IL1RAPL2: variants seen among roughly 807,000 people sequenced by gnomAD.
IL1RAPL2 encodes interleukin 1 receptor accessory protein like 2.
IL1RAPL2 carries 3 observed loss-of-function variants against 44.1 expected under a neutral mutation model. That is an observed-to-expected ratio of 0.07 (90% CI 0.03 to 0.18). IL1RAPL2 has a LOEUF of 0.18. Ranked by LOEUF, IL1RAPL2 falls within the 10% of genes least tolerant of loss-of-function variation. The pLI is 1.00. For missense variants in IL1RAPL2, 391 were observed against 496.4 expected (o/e 0.79, Z 2.02); for synonymous variants, 181 against 178.8 (o/e 1.01, Z -0.10).
At chrX:105,063,111 C>T (rs1251422860) in intron 2 of IL1RAPL2, among the ~76,000 whole-genome samples, 1 of 110,955 alleles carries the variant, frequency 9.0e-6, no homozygotes, top group Non-Finnish European at 1.9e-5. Flanking sequence ...TGGAGGCATG[C>T]TTTATTGTTT....
chrX:104,697,182 A>G (rs1486807276), intron 2 of IL1RAPL2, among the ~76,000 whole-genome samples: 5 of 112,701 alleles, frequency 4.4e-5, no homozygotes, highest in Non-Finnish European at 9.4e-5. Flanking sequence ...CATATACAAT[A>G]TAAGTAAGCT....
chrX:104,798,265 C>T (rs187112971), intron 2 of IL1RAPL2, among the ~76,000 whole-genome samples: 18 of 110,902 alleles, frequency 1.6e-4, no homozygotes, highest in East Asian at 5.7e-4. Flanking sequence ...CCTGCATCGC[C>T]AGAGTCAGTC....
intron 3 of IL1RAPL2, chrX:105,220,673 C>T: frequency 7.2e-6 from 2 of 277,313 alleles, no homozygotes; most frequent in Non-Finnish European, 1.3e-5. Context: ...GATCTCTCTC[C>T]CTCCTAAGGT....
At chrX:105,219,977 T>C (rs782722878) in intron 3 of IL1RAPL2, 5 of 1,201,147 alleles carry the variant, frequency 4.2e-6, no homozygotes, top group African/African-American at 3.5e-5. Flanking sequence ...TCTCTCTCTT[T>C]CTGCACCTCC....
At chrX:105,409,261 T>C (rs115085914) in intron 5 of IL1RAPL2, among the ~76,000 whole-genome samples, 2,666 of 110,462 alleles carry the variant, frequency 0.024, 84 homozygotes, top group African/African-American at 0.085. Context: ...CTTCTATATA[T>C]TGAAGTTTTT....
At chrX:104,947,023 G>C (rs1486178463) in intron 2 of IL1RAPL2, among the ~76,000 whole-genome samples, 23 of 105,143 alleles carry the variant, frequency 2.2e-4, no homozygotes, top group African/African-American at 6.3e-4. Context: ...CTAGTTTACA[G>C]TCCCACCAAC....
chrX:104,944,975 G>C (rs943755321), intron 2 of IL1RAPL2, among the ~76,000 whole-genome samples: 2 of 111,698 alleles, frequency 1.8e-5, no homozygotes, highest in African/African-American at 3.3e-5. Flanking sequence ...TACTTTAAAA[G>C]TTGTAAGGAA....
chrX:104,965,036 A>C (rs962998958), intron 2 of IL1RAPL2, among the ~76,000 whole-genome samples: 4 of 111,820 alleles, frequency 3.6e-5, no homozygotes, highest in East Asian at 5.7e-4. Context: ...AGCCAGAGGC[A>C]CACCAAAAGA....
chrX:105,357,302 G>C (rs1488203498), intron 5 of IL1RAPL2, among the ~76,000 whole-genome samples: 1 of 111,394 alleles, frequency 9.0e-6, no homozygotes, highest in Non-Finnish European at 1.9e-5. Context: ...ATTCGTAGAG[G>C]GTAGTTATCA....
chrX:105,074,357 T>A (rs1163823632), intron 2 of IL1RAPL2, among the ~76,000 whole-genome samples: 1 of 111,447 alleles, frequency 9.0e-6, no homozygotes. Context: ...GTTGTAGATA[T>A]GCGGCATTAT....
intron 2 of IL1RAPL2, among the ~76,000 whole-genome samples, chrX:104,737,318 A>C (rs892461148): frequency 5.3e-5 from 6 of 112,520 alleles, no homozygotes; most frequent in African/African-American, 1.9e-4. Flanking sequence ...TGTAAATTGG[A>C]ATGCAGAACT....
intron 2 of IL1RAPL2, among the ~76,000 whole-genome samples, chrX:104,749,384 C>A (rs1356829465): frequency 9.0e-6 from 1 of 110,808 alleles, no homozygotes; most frequent in Non-Finnish European, 1.9e-5. Context: ...ATGCCAAGCA[C>A]CTTGGGGGCA....
chrX:105,734,663 G>C (rs2147570037), intron 7 of IL1RAPL2, among the ~76,000 whole-genome samples: 1 of 108,592 alleles, frequency 9.2e-6, no homozygotes, highest in African/African-American at 3.4e-5. Context: ...CCCAAGGCTA[G>C]AATTATAGGC....
intron 2 of IL1RAPL2, among the ~76,000 whole-genome samples, chrX:105,043,976 A>G (rs760542763): frequency 8.9e-6 from 1 of 111,902 alleles, no homozygotes; most frequent in East Asian, 2.8e-4. Flanking sequence ...TATATTCCTG[A>G]TCATACTTAA....
At chrX:104,709,065 C>T (rs377228843) in intron 2 of IL1RAPL2, among the ~76,000 whole-genome samples, 8 of 111,046 alleles carry the variant, frequency 7.2e-5, no homozygotes, top group African/African-American at 1.6e-4. Flanking sequence ...ATCTATATAG[C>T]GCAGTGCTTA....
intron 2 of IL1RAPL2, among the ~76,000 whole-genome samples, chrX:104,770,490 T>C (rs1194718511): frequency 8.9e-6 from 1 of 111,851 alleles, no homozygotes; most frequent in East Asian, 2.8e-4. Flanking sequence ...ATTTGCTCTT[T>C]GTCAGGCAAC....
chrX:105,554,618 C>CT (rs1053461053), intron 6 of IL1RAPL2, among the ~76,000 whole-genome samples: 3 of 110,548 alleles, frequency 2.7e-5, no homozygotes, highest in African/African-American at 9.9e-5. Flanking sequence ...TTTTTTTCAG[C>CT]TTTTTTTTCC....
chrX:104,602,424 G>T (rs1355330992), intron 1 of IL1RAPL2, among the ~76,000 whole-genome samples: 1 of 111,508 alleles, frequency 9.0e-6, no homozygotes, highest in African/African-American at 3.3e-5. Flanking sequence ...CAAAGTAGCT[G>T]CAGGAGTTCT....
At chrX:105,483,603 C>G (rs1348625686) in intron 5 of IL1RAPL2, among the ~76,000 whole-genome samples, 4 of 111,286 alleles carry the variant, frequency 3.6e-5, no homozygotes, top group South Asian at 3.8e-4. Context: ...AACCTTCCAG[C>G]GAATATTAAC....
Sources: gnomAD v4.1 joint callset for allele counts (sites outside exome capture counted in the v4.1 genomes callset) on GRCh38, gnomAD v4.1.1 for gene constraint, MANE v1.5 for transcripts, NCBI Gene and HGNC (gene_info 2026-07-23, HGNC 2026-07-21) for gene names.